PALLD: variants seen among roughly 807,000 people sequenced by gnomAD.
PALLD encodes the protein palladin.
A neutral mutation model predicts 123.5 loss-of-function variants in PALLD; 61 were observed. The ratio of observed to expected loss-of-function variants is 0.49; its 90% CI spans 0.40 to 0.61. The LOEUF (loss-of-function observed/expected upper bound fraction) is 0.61, where lower values mean the gene tolerates loss of function less well. Among genes scored for constraint, PALLD ranks in the 20% least tolerant of loss-of-function variants. The pLI is 0.00. For synonymous variants in PALLD, 465 were observed against 496.4 expected, an observed-to-expected ratio of 0.94 and a Z score of 0.84; for missense variants, 1,273 against 1,377.0, an observed-to-expected ratio of 0.92 and a Z score of 1.20.
chr4:168,692,829 G>A (rs1681836238), intron 8 of PALLD, among the ~76,000 whole-genome samples: 1 of 152,156 alleles, frequency 6.6e-6, no homozygotes, highest in Admixed American at 6.5e-5. Flanking sequence ...TCTTTTCATC[G>A]TGTTGTTATA....
chr4:168,914,128 G>A (rs984550887), intron 16 of PALLD, 107 bp downstream of exon 16: 2 of 765,364 alleles, frequency 2.6e-6, no homozygotes, highest in Non-Finnish European at 4.6e-6. Flanking sequence ...ATAACTGGAA[G>A]ATAGAATAGG....
chr4:168,850,461 G>T (rs13114906), intron 10 of PALLD, among the ~76,000 whole-genome samples: 1 of 148,812 alleles, frequency 6.7e-6, no homozygotes, highest in Non-Finnish European at 1.5e-5. Context: ...GAAAAAATGC[G>T]GTATACTGTA....
rs76292903 is a variant in PALLD at position 168,534,478 on chromosome 4, T to A, written c.908+22066T>A. Among the ~76,000 whole-genome samples the A allele has an allele frequency of 6.6e-5, 10 of 152,370 alleles. No homozygotes were observed. In the East Asian group the frequency reaches 1.9e-3, roughly 29 times the overall value. ...CCCACAGAAGAAAGTGTTAATCATT[T>A]ATATTCTCAAGATCTATGACCTATA... On this transcript the variant is annotated intron_variant, in intron 2 of 21. Coordinates refer to ENST00000505667, the MANE Select transcript of PALLD (RefSeq NM_001166108.2).
At chr4:168,783,411 T>C (rs1457593645) in intron 10 of PALLD, among the ~76,000 whole-genome samples, 1 of 152,024 alleles carries the variant, frequency 6.6e-6, no homozygotes, top group Admixed American at 6.6e-5. Flanking sequence ...GAGGGGTGGA[T>C]CTAGATGAGT....
At chr4:168,910,471 C>T (rs1019291230) in intron 15 of PALLD, among the ~76,000 whole-genome samples, 3 of 152,090 alleles carry the variant, frequency 2.0e-5, no homozygotes, top group Admixed American at 6.6e-5. Flanking sequence ...GAGTAAATTA[C>T]ATTCTAATAC....
chr4:168,763,768 T>G (rs1306876380), intron 10 of PALLD, among the ~76,000 whole-genome samples: 2 of 152,116 alleles, frequency 1.3e-5, no homozygotes, highest in Non-Finnish European at 2.9e-5. Context: ...TAGATCAGCA[T>G]CAGGTTCAGA....
intron 2 of PALLD, among the ~76,000 whole-genome samples, chr4:168,659,715 A>C (rs1664921470): frequency 6.6e-6 from 1 of 152,236 alleles, no homozygotes; most frequent in Admixed American, 6.5e-5. Flanking sequence ...GCCAAGATTC[A>C]CTGATGAAAC....
intron 2 of PALLD, among the ~76,000 whole-genome samples, chr4:168,649,228 A>C (rs959671909): frequency 2.0e-5 from 3 of 152,364 alleles, no homozygotes; most frequent in East Asian, 1.9e-4. Flanking sequence ...AAGATGAGAT[A>C]ATCGCTGGCT....
At chr4:168,623,553 T>G (rs1001448872) in intron 2 of PALLD, among the ~76,000 whole-genome samples, 9 of 152,140 alleles carry the variant, frequency 5.9e-5, no homozygotes, top group Non-Finnish European at 8.8e-5. Flanking sequence ...ATGCAGGGAC[T>G]GGGTAGGTGA....
At chr4:168,605,694 G>A (rs565351044) in intron 2 of PALLD, among the ~76,000 whole-genome samples, 6 of 152,318 alleles carry the variant, frequency 3.9e-5, no homozygotes, top group East Asian at 1.9e-4. Flanking sequence ...CGGCTAGCAT[G>A]TTTGTTCTAC....
chr4:168,777,391 GA>G (rs1735317185), intron 10 of PALLD, among the ~76,000 whole-genome samples: 1 of 152,186 alleles, frequency 6.6e-6, no homozygotes, highest in South Asian at 2.1e-4. Context: ...GCCTTAGACT[GA>G]AATAGAATCA....
At chr4:168,855,518 C>T (rs1748483191) in intron 10 of PALLD, among the ~76,000 whole-genome samples, 1 of 152,198 alleles carries the variant, frequency 6.6e-6, no homozygotes, top group African/African-American at 2.4e-5. Flanking sequence ...ATCTCTTATA[C>T]ACTCTAGTAC....
intron 10 of PALLD, among the ~76,000 whole-genome samples, chr4:168,879,931 T>G (rs967477727): frequency 1.1e-4 from 16 of 152,214 alleles, no homozygotes; most frequent in African/African-American, 3.6e-4. Context: ...AAGAAGCTGT[T>G]AGAGAGACCC....
intron 3 of PALLD, among the ~76,000 whole-genome samples, chr4:168,670,206 T>G (rs983219726): frequency 1.3e-5 from 2 of 152,242 alleles, no homozygotes; most frequent in Non-Finnish European, 1.5e-5. Flanking sequence ...AAATTCTTTA[T>G]TTGCTTGCAA....
At chr4:168,613,911 G>T (rs911096031) in intron 2 of PALLD, among the ~76,000 whole-genome samples, 5 of 152,214 alleles carry the variant, frequency 3.3e-5, no homozygotes, top group Non-Finnish European at 7.3e-5. Context: ...ATCGTGAAAA[G>T]AAATCTGAGT....
At chr4:168,735,749 G>T (rs1041292549) in intron 10 of PALLD, among the ~76,000 whole-genome samples, 47 of 151,816 alleles carry the variant, frequency 3.1e-4, no homozygotes, top group African/African-American at 1.1e-3. Flanking sequence ...TTTCTTCCTG[G>T]CTGGGGGCAG....
intron 19 of PALLD, 94 bp downstream of exon 19, chr4:168,924,514 A>G: frequency 8.5e-7 from 1 of 1,179,992 alleles, no homozygotes; most frequent in Non-Finnish European, 1.3e-6. Flanking sequence ...TCTATGTGTA[A>G]AAGCCACATA....
rs192601502 is a variant in PALLD, at chr4:168,615,827, A to G, written c.909-52363A>G. ...GAAAAACCTATCAGTAGGAGCCTTCAGTTTTAAATAATCCCTGCCTTGTAG... is the reference window on the plus strand; with the variant it reads ...GAAAAACCTATCAGTAGGAGCCTTCGGTTTTAAATAATCCCTGCCTTGTAG... On this transcript the variant is annotated intron_variant, in intron 2 of 21. Transcript: ENST00000505667. Among the ~76,000 whole-genome samples the G allele has an allele frequency of 3.3e-5, 5 of 152,310 alleles. No homozygotes were observed. The East Asian group carries it at 9.7e-4, about 29-fold the overall frequency.
chr4:168,617,588 G>C (rs115992790), intron 2 of PALLD, among the ~76,000 whole-genome samples: 1 of 152,122 alleles, frequency 6.6e-6, no homozygotes. Context: ...GGGATGAAGA[G>C]CAAAGACTAT....
Sources: gnomAD v4.1 joint callset for allele counts (sites outside exome capture counted in the v4.1 genomes callset) on GRCh38, gnomAD v4.1.1 for gene constraint, MANE v1.5 for transcripts, NCBI Gene and HGNC (gene_info 2026-07-23, HGNC 2026-07-21) for gene names.